PTPRQ: variants seen among roughly 807,000 people sequenced by gnomAD.
The protein encoded by PTPRQ is protein tyrosine phosphatase receptor type Q, also known as phosphatidylinositol phosphatase PTPRQ.
PTPRQ carries 199 observed loss-of-function variants against 246.0 expected under a neutral mutation model. The ratio of observed to expected loss-of-function variants is 0.81; its 90% confidence interval spans 0.72 to 0.91. The LOEUF (loss-of-function observed/expected upper bound fraction) is 0.91. Among genes scored for constraint, PTPRQ ranks in the 40% least tolerant of loss-of-function variants. PTPRQ has a pLI of 0.00. For missense variants in PTPRQ, 2,624 were observed against 2,528.4 expected (o/e 1.04, Z -0.81); for synonymous variants, 869 against 853.2 (o/e 1.02, Z -0.32).
Position 80,506,668 on chromosome 12 carries a change from A to G in PTPRQ, c.2555A>G (p.Asp852Gly). 1 of 1,539,626 alleles carries G rather than the reference A, an allele frequency of 6.5e-7. No homozygotes were observed. Among genetic ancestry groups the G allele is most frequent in the South Asian group, 1.2e-5 (1 of 82,282 alleles). ...CCCATAAGTATACTGACGGAGGAAG[A>G]TGGTAAATATAATAGTGGATATTGA... Reference protein sequence around the residue: ...SAPISILTEEDAPDSPPQDFS... With the variant: ...SAPISILTEEGAPDSPPQDFS... The change falls in exon 16 of 45, where the codon GAT becomes GGT. Residue 852 changes from aspartate (D) to glycine (G), a missense_variant and splice_region_variant. Coordinates refer to ENST00000644991, the MANE Select transcript of PTPRQ (RefSeq NM_001145026.2).
intron 25 of PTPRQ, among the ~76,000 whole-genome samples, chr12:80,573,181 C>G (rs894885679): frequency 6.6e-6 from 1 of 152,088 alleles, no homozygotes; most frequent in Non-Finnish European, 1.5e-5. Flanking sequence ...ACTACTCATA[C>G]TTTCTTTTTA....
At chr12:80,676,110 A>G (rs1901127267) in intron 43 of PTPRQ, among the ~76,000 whole-genome samples, 1 of 152,050 alleles carries the variant, frequency 6.6e-6, no homozygotes, top group Non-Finnish European at 1.5e-5. Context: ...TTTCCCTGTG[A>G]TGACAGACAG....
chr12:80,447,174 T>TA (rs905756911), intron 3 of PTPRQ, among the ~76,000 whole-genome samples: 4 of 152,064 alleles, frequency 2.6e-5, no homozygotes, highest in African/African-American at 9.7e-5. Context: ...GAGCATTTTT[T>TA]ATATACTTAC....
chr12:80,459,604 G>C (rs1346999027), intron 5 of PTPRQ, 121 bp downstream of exon 5: 2 of 395,502 alleles, frequency 5.1e-6, no homozygotes, highest in Admixed American at 8.8e-5. Flanking sequence ...ATTACTTATG[G>C]TATCATGTTA....
At chr12:80,630,018 A>G (rs1003135629) in intron 33 of PTPRQ, among the ~76,000 whole-genome samples, 2 of 152,204 alleles carry the variant, frequency 1.3e-5, no homozygotes, top group Non-Finnish European at 2.9e-5. Context: ...ATACTTTAGT[A>G]TGTTTCTCTA....
intron 26 of PTPRQ, among the ~76,000 whole-genome samples, chr12:80,588,685 C>A (rs1218301541): frequency 6.6e-6 from 1 of 152,154 alleles, no homozygotes; most frequent in African/African-American, 2.4e-5. Context: ...TGCCAAGGTC[C>A]TAGAGTCTCA....
intron 23 of PTPRQ, among the ~76,000 whole-genome samples, chr12:80,543,855 A>G (rs1194976704): frequency 6.6e-6 from 1 of 152,176 alleles, no homozygotes; most frequent in African/African-American, 2.4e-5. Context: ...AAATAACATT[A>G]AATGACATGA....
At chr12:80,467,590 A>T (rs1437859525) in intron 6 of PTPRQ, among the ~76,000 whole-genome samples, 1 of 152,182 alleles carries the variant, frequency 6.6e-6, no homozygotes. Context: ...CACAATAGCA[A>T]AGACTTGCAA....
intron 43 of PTPRQ, among the ~76,000 whole-genome samples, chr12:80,675,901 CTT>C (rs1901121328): frequency 6.6e-6 from 1 of 152,090 alleles, no homozygotes. Context: ...AGCTATGTCT[CTT>C]TTGTAAAATT....
chr12:80,493,783 C>T (rs1894524990), intron 10 of PTPRQ, among the ~76,000 whole-genome samples: 1 of 151,984 alleles, frequency 6.6e-6, no homozygotes, highest in Non-Finnish European at 1.5e-5. Context: ...TTACAGGCCT[C>T]ACATTCTCTA....
At chr12:80,628,018 C>A (rs1311050304) in intron 33 of PTPRQ, among the ~76,000 whole-genome samples, 1 of 151,946 alleles carries the variant, frequency 6.6e-6, no homozygotes, top group Non-Finnish European at 1.5e-5. Flanking sequence ...GTAATCTAAT[C>A]TAAAAAAAAT....
rs550552307 is a variant in PTPRQ, at chr12:80,495,401, G to A, written c.1882+30G>A. ...AAAACAATGTTTTGTTGTTGTTGTT[G>A]TTGTTCATTTTACATTTCTATTCTG... On this transcript the variant is annotated intron_variant, in intron 12 of 44. Transcript: ENST00000644991. The A allele has an allele frequency of 3.4e-5, 50 of 1,490,522 alleles. No individual in the cohort carries two copies. In the South Asian group the frequency reaches 6.8e-4, roughly 20 times the overall value. The allele number at this position is 1,490,522 out of a possible 1,614,324, so 92.3% of individuals were successfully genotyped here. A position where few individuals can be genotyped will look rare whatever the true frequency, so the allele number is the denominator to read the frequency against.
intron 14 of PTPRQ, 99 bp from the exon 15 acceptor site, chr12:80,505,925 T>C (rs973428998): frequency 7.7e-7 from 1 of 1,296,378 alleles, no homozygotes; most frequent in Non-Finnish European, 1.0e-6. Flanking sequence ...CTAGTGAAGG[T>C]TCAATTGTAA....
At chr12:80,657,606 T>A (rs1900485485) in intron 38 of PTPRQ, among the ~76,000 whole-genome samples, 1 of 151,836 alleles carries the variant, frequency 6.6e-6, no homozygotes, top group Non-Finnish European at 1.5e-5. Flanking sequence ...ACTACATTAT[T>A]ATATATTCAA....
At chr12:80,605,984 T>C (rs1275941915) in intron 27 of PTPRQ, among the ~76,000 whole-genome samples, 2 of 150,986 alleles carry the variant, frequency 1.3e-5, no homozygotes, top group Non-Finnish European at 3.0e-5. Context: ...ACAGAGGAAA[T>C]GTAGCAAGAG....
chr12:80,636,795 TC>T (rs1899670070), intron 35 of PTPRQ, among the ~76,000 whole-genome samples: 1 of 152,202 alleles, frequency 6.6e-6, no homozygotes, highest in South Asian at 2.1e-4. Context: ...GAAAAAGCAC[TC>T]TTTTTGTTTA....
chr12:80,606,671 A>G (rs1445235666), intron 27 of PTPRQ, among the ~76,000 whole-genome samples: 3 of 150,910 alleles, frequency 2.0e-5, no homozygotes, highest in African/African-American at 4.8e-5. Context: ...TCTTTGTAGT[A>G]TTCCTTAAAT....
chr12:80,503,046 T>C (rs1592590326), intron 14 of PTPRQ, among the ~76,000 whole-genome samples: 1 of 151,738 alleles, frequency 6.6e-6, no homozygotes, highest in South Asian at 2.1e-4. Flanking sequence ...TGGTATCTAA[T>C]GGAATGGGGC....
rs10862125 is a variant in PTPRQ at position 80,457,419 on chromosome 12, G to A, written c.391-156G>A. On this transcript the variant is annotated intron_variant, in intron 3 of 44. Transcript: ENST00000644991. ...GACAATAATACTTTATTTGTTGATTGTATAGATATCTTCATATTTGCCTTC... is the reference window on the plus strand; with the variant it reads ...GACAATAATACTTTATTTGTTGATTATATAGATATCTTCATATTTGCCTTC... Among the ~76,000 whole-genome samples, 59,093 of 151,920 alleles carry A rather than the reference G, an allele frequency of 0.39. 13,173 individuals carry two copies. The highest frequency in any genetic ancestry group is 0.61 in the African/African-American group (25,442 of 41,424).
Sources: gnomAD v4.1 joint callset for allele counts (sites outside exome capture counted in the v4.1 genomes callset) on GRCh38, gnomAD v4.1.1 for gene constraint, MANE v1.5 for transcripts, NCBI Gene and HGNC (gene_info 2026-07-23, HGNC 2026-07-21) for gene names.